Variants in BBS4 observed in about 807,000 individuals in gnomAD.
BBS4 encodes BBSome complex member BBS4.
A neutral mutation model predicts 71.4 loss-of-function variants in BBS4; 58 were observed. The observed-to-expected ratio is 0.81, with a 90% CI of 0.66 to 1.01. The LOEUF (loss-of-function observed/expected upper bound fraction) is 1.01, where lower values mean the gene tolerates loss of function less well. Among genes scored for constraint, BBS4 ranks in the 50% least tolerant of loss-of-function variants. The probability of loss-of-function intolerance (pLI) is 0.00; values close to 1 mark genes in which losing one functional copy is unlikely to be tolerated. For missense variants in BBS4, 660 were observed against 607.9 expected (o/e 1.09, Z -0.90); for synonymous variants, 228 against 216.8 (o/e 1.05, Z -0.46).
intron 10 of BBS4, among the ~76,000 whole-genome samples, chr15:72,731,030 T>C (rs1027648741): frequency 6.7e-6 from 1 of 149,674 alleles, no homozygotes; most frequent in Non-Finnish European, 1.5e-5. Context: ...TGGCTAGAAG[T>C]AGGAAACAGA....
chr15:72,732,104 A>G (rs2065836911), intron 12 of BBS4, among the ~76,000 whole-genome samples: 1 of 152,210 alleles, frequency 6.6e-6, no homozygotes, highest in African/African-American at 2.4e-5. Flanking sequence ...ATATGTACCT[A>G]GGGCTGATGT....
At chr15:72,724,501 T>C in intron 7 of BBS4, 27 bp from the exon 8 acceptor site, 1 of 1,613,134 alleles carries the variant, frequency 6.2e-7, no homozygotes, top group Non-Finnish European at 8.5e-7. Context: ...AGTGATTTGG[T>C]TTTCTTTATT....
intron 1 of BBS4, among the ~76,000 whole-genome samples, chr15:72,693,685 T>C (rs2065025603): frequency 6.6e-6 from 1 of 152,156 alleles, no homozygotes. Context: ...AATGTAAAAA[T>C]CATTCGTAGC....
chr15:72,690,890 T>G (rs575120942), intron 1 of BBS4, among the ~76,000 whole-genome samples: 2 of 152,360 alleles, frequency 1.3e-5, no homozygotes, highest in South Asian at 4.1e-4. Context: ...CAGTTTGTTT[T>G]TATTTAGCTG....
intron 1 of BBS4, 189 bp downstream of exon 1, chr15:72,686,440 A>G: frequency 6.5e-7 from 1 of 1,533,262 alleles, no homozygotes; most frequent in South Asian, 1.2e-5. Flanking sequence ...CTGGATACTT[A>G]GCAGCACAGG....
At chr15:72,716,554 A>G (rs759726799) in intron 5 of BBS4, among the ~76,000 whole-genome samples, 7 of 152,226 alleles carry the variant, frequency 4.6e-5, no homozygotes, top group Non-Finnish European at 8.8e-5. Flanking sequence ...AAATTGGTAT[A>G]GAATGAGACC....
intron 2 of BBS4, among the ~76,000 whole-genome samples, chr15:72,702,316 G>A (rs887340531): frequency 2.6e-5 from 4 of 152,058 alleles, no homozygotes; most frequent in African/African-American, 7.2e-5. Flanking sequence ...TGTTGAATGT[G>A]GACAATTTAC....
chr15:72,695,283 A>T, intron 2 of BBS4, 55 bp downstream of exon 2: 1 of 1,223,364 alleles, frequency 8.2e-7, no homozygotes, highest in Non-Finnish European at 1.2e-6. Flanking sequence ...TTTCTCTTTT[A>T]TTTATTTATT....
chr15:72,698,720 G>A (rs560613439), intron 2 of BBS4, among the ~76,000 whole-genome samples: 17 of 152,208 alleles, frequency 1.1e-4, no homozygotes, highest in Admixed American at 9.2e-4. Flanking sequence ...GAATTTTGTA[G>A]ATATTCTAGA....
intron 2 of BBS4, chr15:72,704,556 G>A: frequency 1.0e-5 from 8 of 788,526 alleles, no homozygotes; most frequent in Non-Finnish European, 1.5e-5. Context: ...CTTCATCTTT[G>A]ATGATAAGTA....
intron 2 of BBS4, among the ~76,000 whole-genome samples, chr15:72,702,438 T>G (rs997854766): frequency 6.6e-6 from 1 of 152,176 alleles, no homozygotes; most frequent in Non-Finnish European, 1.5e-5. Flanking sequence ...AGAAAAACTT[T>G]GAGATACATG....
intron 8 of BBS4, among the ~76,000 whole-genome samples, chr15:72,725,061 G>T (rs867369102): frequency 2.4e-3 from 338 of 139,196 alleles, no homozygotes; most frequent in African/African-American, 7.9e-3. Context: ...TATATATAGA[G>T]AGAGAGAGAG....
At chr15:72,735,745 G>C (rs530697300) in intron 13 of BBS4, 80 bp from the exon 14 acceptor site, 56 of 1,579,264 alleles carry the variant, frequency 3.5e-5, no homozygotes, top group South Asian at 3.3e-4. Flanking sequence ...GTTTTGTTTT[G>C]TTTTTGTGTA....
chr15:72,688,046 CAAAAAAAAAAAAAA>C (rs199931617), intron 1 of BBS4, among the ~76,000 whole-genome samples: 29,229 of 85,312 alleles, frequency 0.34, 3,610 homozygotes, highest in African/African-American at 0.45. Flanking sequence ...GACTCCGTCT[CAAAAAAAAAAAAAA>C]AAAAAAAAAG....
intron 2 of BBS4, among the ~76,000 whole-genome samples, chr15:72,699,503 A>G (rs1166743997): frequency 6.6e-6 from 1 of 152,248 alleles, no homozygotes; most frequent in African/African-American, 2.4e-5. Flanking sequence ...AATCTGAAAT[A>G]CACACTCTTG....
chr15:72,735,120 G>A lies in BBS4; in HGVS notation c.1044G>A (p.Leu348=), dbSNP rs764816067. ...GTGCTTTCTTTGTTGCAGTGGCTCT[G>A]ACCAATCTGGAAGATATAGAAAATG... ...GELYMLLAVA[L]TNLEDIENAK... is the part of the protein sequence containing the mutation. The change falls in exon 13 of 16, where the codon CTG becomes CTA. Residue 348 remains leucine, a synonymous_variant. Coordinates refer to ENST00000268057, the MANE Select transcript of BBS4 (RefSeq NM_033028.5). 1 of 1,613,388 alleles carries A rather than the reference G, an allele frequency of 6.2e-7. No individual in the cohort carries two copies. The highest frequency in any genetic ancestry group is 2.2e-5 in the East Asian group (1 of 44,866).
chr15:72,722,723 T>A, intron 6 of BBS4, 71 bp from the exon 7 acceptor site: 2 of 1,372,532 alleles, frequency 1.5e-6, no homozygotes, highest in East Asian at 2.3e-5. Flanking sequence ...TCTCTAGATG[T>A]CTGTTGTTTC....
intron 6 of BBS4, among the ~76,000 whole-genome samples, chr15:72,719,167 G>T (rs888468396): frequency 2.6e-5 from 4 of 152,172 alleles, no homozygotes; most frequent in African/African-American, 7.2e-5. Context: ...GGGGTGGCCA[G>T]TGCCACAAAT....
intron 2 of BBS4, among the ~76,000 whole-genome samples, chr15:72,704,966 A>G (rs1043172073): frequency 1.3e-5 from 2 of 152,196 alleles, no homozygotes; most frequent in Admixed American, 6.5e-5. Flanking sequence ...AAGGCCTACT[A>G]TGTACCAGGC....
Sources: allele counts gnomAD v4.1 joint callset (sites outside exome capture counted in the v4.1 genomes callset), GRCh38; gene constraint gnomAD v4.1.1; transcripts MANE v1.5; gene names NCBI Gene and HGNC (gene_info 2026-07-23, HGNC 2026-07-21).